FAT3: variants seen among roughly 807,000 people sequenced by gnomAD.
FAT3 encodes FAT atypical cadherin 3.
In FAT3, 95 loss-of-function variants were observed where a neutral mutation model predicts 310.2. The observed-to-expected ratio is 0.31, with a 90% CI of 0.26 to 0.36. The LOEUF is 0.36. FAT3 is among the 10% of genes least tolerant of loss of function. FAT3 has a pLI of 1.00. For synonymous variants in FAT3, 2,314 were observed against 2,192.9 expected, an observed-to-expected ratio of 1.06 and a Z score of -1.54; for missense variants, 5,408 against 5,715.6, an observed-to-expected ratio of 0.95 and a Z score of 1.74.
intron 2 of FAT3, among the ~76,000 whole-genome samples, chr11:92,361,327 G>C (rs1948876646): frequency 6.6e-6 from 1 of 152,148 alleles, no homozygotes; most frequent in African/African-American, 2.4e-5. Context: ...GAGCAGAAAA[G>C]AATATTCCTT....
At chr11:92,608,323 A>G (rs1398077035) in intron 3 of FAT3, among the ~76,000 whole-genome samples, 1 of 152,184 alleles carries the variant, frequency 6.6e-6, no homozygotes, top group African/African-American at 2.4e-5. Context: ...GAGGATATTG[A>G]TACTTGTCAA....
intron 2 of FAT3, among the ~76,000 whole-genome samples, chr11:92,422,602 T>C (rs894314624): frequency 2.0e-5 from 3 of 151,980 alleles, no homozygotes; most frequent in African/African-American, 7.3e-5. Flanking sequence ...AGGAGGTGAG[T>C]GCTTGACCAG....
rs1196695394 is a variant in FAT3 at position 92,415,849 on chromosome 11, CTTTT to C, written c.3292+60466_3292+60469del. On this transcript the variant is annotated intron_variant, in intron 2 of 27. Transcript: ENST00000525166. ...CAATCTTTTAGCATAAGCATTTTTG[CTTTT>C]TTTTTTTTTTTTTTTTTTTTAAGAG... Among the ~76,000 whole-genome samples, 79 of 70,400 alleles carry C rather than the reference CTTTT, an allele frequency of 1.1e-3. No homozygotes were observed. In the South Asian group the frequency reaches 0.013, roughly 12 times the overall value. The allele number at this position is 70,400 out of a possible 152,430, so 46.2% of individuals were successfully genotyped here. A position where few individuals can be genotyped will look rare whatever the true frequency, so the allele number is the denominator to read the frequency against.
chr11:92,453,385 C>A (rs1481664952), intron 2 of FAT3, among the ~76,000 whole-genome samples: 1 of 152,064 alleles, frequency 6.6e-6, no homozygotes, highest in East Asian at 1.9e-4. Context: ...TGAGTCTTTT[C>A]CTTGTTTTAG....
At chr11:92,540,136 G>C (rs1954396155) in intron 3 of FAT3, among the ~76,000 whole-genome samples, 3 of 152,186 alleles carry the variant, frequency 2.0e-5, no homozygotes, top group Non-Finnish European at 4.4e-5. Context: ...CAGCTTGCCA[G>C]CATACACTTC....
chr11:92,618,165 C>G (rs985364704), intron 3 of FAT3, among the ~76,000 whole-genome samples: 33 of 152,316 alleles, frequency 2.2e-4, no homozygotes, highest in Admixed American at 2.2e-3. Context: ...TGTTTACCTA[C>G]TCAAGCCTCA....
chr11:92,827,610 C>T (rs916346802), intron 13 of FAT3, among the ~76,000 whole-genome samples: 17 of 152,188 alleles, frequency 1.1e-4, no homozygotes, highest in Admixed American at 7.2e-4. Context: ...TACAGTCCCA[C>T]GTCCAAAAAG....
chr11:92,706,368 T>TCTGG (rs1471184264), intron 4 of FAT3, among the ~76,000 whole-genome samples: 2 of 152,160 alleles, frequency 1.3e-5, no homozygotes, highest in African/African-American at 4.8e-5. Context: ...ATGCCATGGG[T>TCTGG]CTGGGTAGGT....
intron 3 of FAT3, among the ~76,000 whole-genome samples, chr11:92,542,113 A>G (rs1462414600): frequency 6.6e-6 from 1 of 152,098 alleles, no homozygotes; most frequent in Non-Finnish European, 1.5e-5. Context: ...AGTACATGGC[A>G]CTTGGAAAAC....
At chr11:92,612,357 T>C (rs1426382012) in intron 3 of FAT3, among the ~76,000 whole-genome samples, 4 of 151,680 alleles carry the variant, frequency 2.6e-5, no homozygotes, top group Non-Finnish European at 4.4e-5. Flanking sequence ...TCAGTTTTGC[T>C]GGTAGATTTT....
chr11:92,514,482 A>C (rs1428014158), intron 2 of FAT3, among the ~76,000 whole-genome samples: 2 of 152,198 alleles, frequency 1.3e-5, no homozygotes, highest in African/African-American at 4.8e-5. Context: ...GATAGGTAAA[A>C]ATGTGAGGGA....
chr11:92,608,726 T>TAATAATAATAATAATAATAAC (rs1417168178), intron 3 of FAT3, among the ~76,000 whole-genome samples: 1 of 150,546 alleles, frequency 6.6e-6, no homozygotes, highest in Non-Finnish European at 1.5e-5. Flanking sequence ...TCAGCAATAA[T>TAATAATAATAATAATAATAAC]AATAATAATA....
In FAT3 at chr11:92,883,053, C is replaced by G. The variant is rs750160076; in HGVS notation, c.12597C>G (p.Ala4199=). ...TAGTGCAGGACCCGGCCACCGCCGC[C>G]CTGCTTAACAAGAGCAATGGCATCC... ...ITLVQDPATA[A]LLNKSNGIPF... Residue 4199 remains alanine (A), a synonymous_variant, in exon 24 of 28, where the codon GCC becomes GCG. Transcript: ENST00000525166. The surrounding 1 kb of genome is among the most constrained non-coding windows in gnomAD (Gnocchi z 4.2). The G allele has an allele frequency of 6.2e-7, 1 of 1,613,958 alleles. No homozygotes were observed.
chr11:92,358,168 CGCTG>C (rs1205495345), intron 2 of FAT3, among the ~76,000 whole-genome samples: 1 of 151,858 alleles, frequency 6.6e-6, no homozygotes, highest in African/African-American at 2.4e-5. Context: ...CAGAGTGACA[CGCTG>C]TCTTAAAAAA....
chr11:92,584,225 G>T (rs1939006258), intron 3 of FAT3, among the ~76,000 whole-genome samples: 1 of 151,980 alleles, frequency 6.6e-6, no homozygotes, highest in African/African-American at 2.4e-5. Context: ...CATCCCATCA[G>T]CTGTTCGTAC....
intron 8 of FAT3, among the ~76,000 whole-genome samples, chr11:92,791,284 A>G (rs1306834033): frequency 2.0e-5 from 3 of 152,146 alleles, no homozygotes; most frequent in Non-Finnish European, 4.4e-5. Context: ...AAAAAAGACA[A>G]AGTTCCTGCA....
chr11:92,659,373 G>A (rs1194244737), intron 3 of FAT3, among the ~76,000 whole-genome samples: 2 of 152,156 alleles, frequency 1.3e-5, no homozygotes, highest in Non-Finnish European at 2.9e-5. Context: ...TGTACATTGA[G>A]TTTCTACAAC....
At chr11:92,635,460 A>T (rs1302928741) in intron 3 of FAT3, among the ~76,000 whole-genome samples, 1 of 152,222 alleles carries the variant, frequency 6.6e-6, no homozygotes, top group East Asian at 1.9e-4. Flanking sequence ...AAGGCCTTCT[A>T]CTTTGTTATT....
intron 2 of FAT3, among the ~76,000 whole-genome samples, chr11:92,483,563 G>A (rs970351444): frequency 2.0e-5 from 3 of 151,834 alleles, no homozygotes; most frequent in Non-Finnish European, 4.4e-5. Flanking sequence ...ATCTCTGTGG[G>A]TATGTATCCT....
Sources: gnomAD v4.1 joint callset for allele counts (sites outside exome capture counted in the v4.1 genomes callset) on GRCh38, gnomAD v4.1.1 for gene constraint, Gnocchi (gnomAD v3.1) non-coding constraint, MANE v1.5 for transcripts, NCBI Gene and HGNC (gene_info 2026-07-23, HGNC 2026-07-21) for gene names.